The following HNRNPM variants were observed in gnomAD, a reference collection of about 807,000 sequenced individuals.
The protein encoded by HNRNPM is CEA receptor.
A neutral mutation model predicts 73.1 loss-of-function variants in HNRNPM; 11 were observed. The ratio of observed to expected loss-of-function variants is 0.15; its 90% CI spans 0.09 to 0.25. HNRNPM has a LOEUF of 0.25. Ranked by LOEUF, HNRNPM falls within the 10% of genes least tolerant of loss-of-function variation. The probability of loss-of-function intolerance (pLI) is 1.00; values close to 1 mark genes in which losing one functional copy is unlikely to be tolerated. For synonymous variants in HNRNPM, 407 were observed against 355.2 expected (o/e 1.15, Z -1.64); for missense variants, 789 against 1,067.9 (o/e 0.74, Z 3.64).
rs1568302028 is a variant in HNRNPM at position 8,485,596 on chromosome 19, GT to G, written c.1175-4del. The G allele has an allele frequency of 6.3e-7, 1 of 1,595,570 alleles. No homozygotes were observed. Among genetic ancestry groups the G allele is most frequent in the Non-Finnish European group, 8.5e-7 (1 of 1,173,080 alleles). Reference sequence around the variant, plus strand: ...ACACCCACCTGTGTTTTGTGTCCCTGTTTCAGGTGGAGGTGGAGGAAGCGTC... The same window carrying G: ...ACACCCACCTGTGTTTTGTGTCCCTGTTCAGGTGGAGGTGGAGGAAGCGTC... On this transcript the variant is annotated splice_region_variant and splice_polypyrimidine_tract_variant and intron_variant, in intron 13 of 15. Transcript: ENST00000325495.
chr19:8,485,798 T>C lies in HNRNPM; in HGVS notation c.1370T>C (p.Met457Thr). Reference protein sequence around the residue: ...VERMGSGIERMGPLGLDHMAS... With the variant: ...VERMGSGIERTGPLGLDHMAS... ...CGCATGGGCTCCGGCATTGAGCGCATGGGCCCGCTGGGCCTCGACCACATG... is the reference window on the plus strand; with the variant it reads ...CGCATGGGCTCCGGCATTGAGCGCACGGGCCCGCTGGGCCTCGACCACATG... Residue 457 changes from methionine (M) to threonine (T), a missense_variant, in exon 14 of 16, where the codon ATG becomes ACG. Met to Thr is a moderately conservative substitution (Grantham distance 81). Coordinates refer to ENST00000325495, the MANE Select transcript of HNRNPM (RefSeq NM_005968.5). 1 of 1,602,618 alleles carries C rather than the reference T, an allele frequency of 6.2e-7. No individual in the cohort carries two copies. Among genetic ancestry groups the C allele is most frequent in the Non-Finnish European group, 8.5e-7 (1 of 1,179,148 alleles).
At chr19:8,473,338 G>A (rs1373996833) in intron 10 of HNRNPM, among the ~76,000 whole-genome samples, 1 of 152,148 alleles carries the variant, frequency 6.6e-6, no homozygotes, top group Non-Finnish European at 1.5e-5. Context: ...GCAGGCGCCT[G>A]TAATCTCAGC....
chr19:8,478,449 G>A (rs1970667469), intron 12 of HNRNPM, among the ~76,000 whole-genome samples: 1 of 152,170 alleles, frequency 6.6e-6, no homozygotes, highest in Non-Finnish European at 1.5e-5. Flanking sequence ...GAAGGAGATG[G>A]GGATATCTCG....
chr19:8,468,352 C>A (rs1382769649), intron 8 of HNRNPM, among the ~76,000 whole-genome samples: 1 of 152,160 alleles, frequency 6.6e-6, no homozygotes, highest in Non-Finnish European at 1.5e-5. Context: ...ATAATAATTA[C>A]TACAGGCATG....
At chr19:8,454,968 A>G (rs889103607) in intron 1 of HNRNPM, among the ~76,000 whole-genome samples, 1 of 151,948 alleles carries the variant, frequency 6.6e-6, no homozygotes, top group Non-Finnish European at 1.5e-5. Context: ...CAAAACCAAC[A>G]TTAGTCTTGT....
intron 1 of HNRNPM, among the ~76,000 whole-genome samples, chr19:8,454,673 G>T (rs78490673): frequency 4.9e-5 from 5 of 103,032 alleles, no homozygotes; most frequent in African/African-American, 1.1e-4. Flanking sequence ...ATCATTTTAT[G>T]CCCCCCCCCC....
chr19:8,454,338 C>T (rs1968840422), intron 1 of HNRNPM, among the ~76,000 whole-genome samples: 1 of 152,338 alleles, frequency 6.6e-6, no homozygotes. Flanking sequence ...ATTTGGCCTT[C>T]AGTGACTGGC....
At chr19:8,467,627 CA>C (rs2076865726) in intron 8 of HNRNPM, 43 bp downstream of exon 8, 1 of 1,371,682 alleles carries the variant, frequency 7.3e-7, no homozygotes, top group Non-Finnish European at 1.0e-6. Flanking sequence ...TCAAGTCTAG[CA>C]AAAACATGGA....
At chr19:8,460,511 G>C (rs1969326968) in intron 2 of HNRNPM, among the ~76,000 whole-genome samples, 1 of 152,180 alleles carries the variant, frequency 6.6e-6, no homozygotes, top group African/African-American at 2.4e-5. Context: ...TTAATACAAA[G>C]GATTGAGTCA....
chr19:8,455,181 A>G (rs1419907042), intron 1 of HNRNPM, among the ~76,000 whole-genome samples: 2 of 151,950 alleles, frequency 1.3e-5, no homozygotes, highest in African/African-American at 2.4e-5. Flanking sequence ...GGGTCTTGCT[A>G]TGTTGCCCAG....
intron 7 of HNRNPM, among the ~76,000 whole-genome samples, chr19:8,467,262 A>T (rs183503190): frequency 2.6e-4 from 39 of 152,322 alleles, no homozygotes; most frequent in Non-Finnish European, 4.1e-4. Flanking sequence ...GAGAACCTTG[A>T]TGCCACTGCT....
rs767710669 is a variant in HNRNPM, at chr19:8,473,686, A to T, written c.1020A>T (p.Gly340=). 1.3e-6 allele frequency: 2 copies of T among 1,575,948 alleles called. No individual in the cohort carries two copies. Among genetic ancestry groups the T allele is most frequent in the Non-Finnish European group, 1.7e-6 (2 of 1,146,890 alleles). The change falls in exon 11 of 16, where the codon GGA becomes GGT. Residue 340 remains glycine, a synonymous_variant. Coordinates refer to ENST00000325495, the MANE Select transcript of HNRNPM (RefSeq NM_005968.5). ...AAGGAATGGGAATGGAAGGCATAGG[A>T]TTTGGAATAAATAAAATGGGAGGTA... ...GPAGMGMEGI[G]FGINKMGGME... is the part of the protein sequence containing the mutation.
chr19:8,480,343 C>CAA (rs112165621), intron 12 of HNRNPM, among the ~76,000 whole-genome samples: 2,133 of 108,396 alleles, frequency 0.02, 51 homozygotes, highest in African/African-American at 0.039. Context: ...GACTCCATCT[C>CAA]AAAAAAAAAA....
intron 1 of HNRNPM, among the ~76,000 whole-genome samples, chr19:8,455,151 A>T (rs920536292): frequency 4.0e-5 from 6 of 151,894 alleles, no homozygotes; most frequent in African/African-American, 1.2e-4. Context: ...TTTTATATAT[A>T]TTTTTTTGTT....
At chr19:8,461,905 C>T (rs957243339) in intron 2 of HNRNPM, 1 of 151,890 alleles carries the variant, frequency 6.6e-6, no homozygotes, top group Non-Finnish European at 1.5e-5. Flanking sequence ...GGGCCCAACA[C>T]AAAACGAAAA....
rs545570327 is a variant in HNRNPM at position 8,453,164 on chromosome 19, CAG to C, written c.114-2238_114-2237del. On this transcript the variant is annotated intron_variant, in intron 1 of 15. Transcript: ENST00000325495. ...ATACTTTTGTTTGTTTGTTTGGAGA[CAG>C]AGTCTCATTATGTCACTCAGGCTGG... is the stretch of plus-strand genomic sequence containing the variant. Among the ~76,000 whole-genome samples the C allele has an allele frequency of 5.9e-3, 900 of 152,076 alleles. 6 individuals are homozygous for C. The highest frequency in any genetic ancestry group is 6.6e-3 in the Non-Finnish European group (449 of 67,980).
At chr19:8,451,488 A>G (rs768406300) in intron 1 of HNRNPM, among the ~76,000 whole-genome samples, 3 of 152,004 alleles carry the variant, frequency 2.0e-5, no homozygotes, top group Non-Finnish European at 2.9e-5. Context: ...TCAGGACATC[A>G]CTTTTATACT....
rs765472975 is a variant in HNRNPM, at chr19:8,473,661, A to C, written c.998-3A>C. On this transcript the variant is annotated splice_polypyrimidine_tract_variant and splice_region_variant and intron_variant, in intron 10 of 15. Coordinates refer to ENST00000325495, the MANE Select transcript of HNRNPM (RefSeq NM_005968.5). ...TAGTTTGCATTGACTTTTTCTTTTT[A>C]AGGAATGGGAATGGAAGGCATAGGA... is the stretch of plus-strand genomic sequence containing the variant. 6.4e-7 allele frequency: 1 copy of C among 1,559,924 alleles called. No individual in the cohort carries two copies. Among genetic ancestry groups the C allele is most frequent in the Non-Finnish European group, 8.8e-7 (1 of 1,134,494 alleles).
Position 8,462,405 on chromosome 19 carries a change from G to A in HNRNPM, c.284-124G>A, listed in dbSNP as rs1969467311. On this transcript the variant is annotated intron_variant, in intron 2 of 15. Transcript: ENST00000325495. The surrounding 1 kb of genome is among the most constrained non-coding windows in gnomAD (Gnocchi z 4.5). ...AGTTCGGTGGTTTAGAGAATATGGA[G>A]TGTTTCTGGGCTTTCTTATAAGGCA... 2 of 805,084 alleles carry A rather than the reference G, an allele frequency of 2.5e-6. No homozygotes were observed. The highest frequency in any genetic ancestry group is 3.8e-5 in the Admixed American group (2 of 52,818). 49.9% of individuals were successfully genotyped at this position (805,084 alleles called of 1,614,324 possible). A position where few individuals can be genotyped will look rare whatever the true frequency, so the allele number is the denominator to read the frequency against.
Sources: allele counts gnomAD v4.1 joint callset (sites outside exome capture counted in the v4.1 genomes callset), GRCh38; gene constraint gnomAD v4.1.1; non-coding constraint Gnocchi (gnomAD v3.1); transcripts MANE v1.5; gene names NCBI Gene and HGNC (gene_info 2026-07-23, HGNC 2026-07-21).